SLC15A2: variants seen among roughly 807,000 people sequenced by gnomAD.
SLC15A2 encodes the protein kidney H(+)/peptide cotransporter.
A neutral mutation model predicts 95.5 loss-of-function variants in SLC15A2; 77 were observed. The observed-to-expected ratio is 0.81, with a 90% CI of 0.67 to 0.97. The LOEUF is 0.97. Ranked by LOEUF, SLC15A2 falls within the 50% of genes least tolerant of loss-of-function variation. The pLI, the probability that SLC15A2 is intolerant of heterozygous loss-of-function variation, is 0.00. For synonymous variants in SLC15A2, 306 were observed against 306.9 expected (o/e 1.00, Z 0.03); for missense variants, 893 against 874.4 (o/e 1.02, Z -0.27).
At position 121,935,469 on chromosome 3, in the gene SLC15A2, A is replaced by G. The variant is rs145988517; in HGVS notation, c.1761+3734A>G. On this transcript the variant is annotated intron_variant, in intron 19 of 21. Coordinates refer to ENST00000489711, the MANE Select transcript of SLC15A2 (RefSeq NM_021082.4). ...CTGTTATTGGTCTATTCAGAGATTC[A>G]ACTTCTTCCTGGTTTAGTCTTGGGA... 5.3e-5 allele frequency among the ~76,000 whole-genome samples: 8 copies of G among 152,290 alleles called. No homozygotes were observed. The South Asian group carries it at 1.7e-3, about 32-fold the overall frequency.
At chr3:121,932,799 T>C (rs1159723921) in intron 19 of SLC15A2, among the ~76,000 whole-genome samples, 1 of 152,208 alleles carries the variant, frequency 6.6e-6, no homozygotes, top group East Asian at 1.9e-4. Flanking sequence ...TTAGGGTACA[T>C]GTGCACATTG....
At chr3:121,937,606 T>G (rs1444764512) in intron 19 of SLC15A2, among the ~76,000 whole-genome samples, 1 of 151,946 alleles carries the variant, frequency 6.6e-6, no homozygotes, top group East Asian at 1.9e-4. Context: ...GCCTTGGTTT[T>G]CAGCTCCATC....
intron 11 of SLC15A2, 84 bp downstream of exon 11, chr3:121,923,350 C>A: frequency 1.5e-6 from 2 of 1,367,176 alleles, no homozygotes; most frequent in Non-Finnish European, 1.0e-6. Flanking sequence ...TGTGATTTTG[C>A]CTGAAAACTA....
At chr3:121,907,715 A>C (rs2107578761) in intron 3 of SLC15A2, among the ~76,000 whole-genome samples, 1 of 152,316 alleles carries the variant, frequency 6.6e-6, no homozygotes, top group Middle Eastern at 3.4e-3. Flanking sequence ...GCAGAACAGC[A>C]AATATTGCTG....
In SLC15A2 at chr3:121,938,421, G is replaced by A. The variant is rs941609119; in HGVS notation, c.1762-928G>A. 1.1e-4 allele frequency among the ~76,000 whole-genome samples: 16 copies of A among 152,178 alleles called. 1 individual carries two copies. Among genetic ancestry groups the A allele is most frequent in the South Asian group, 2.1e-4 (1 of 4,826 alleles). On this transcript the variant is annotated intron_variant, in intron 19 of 21. Transcript: ENST00000489711. ...CTGTGCTAGCAATCAGCGAGACTCCGTGGGCGTAGGACCCTCCCAGCCAGG... is the reference window on the plus strand; with the variant it reads ...CTGTGCTAGCAATCAGCGAGACTCCATGGGCGTAGGACCCTCCCAGCCAGG...
intron 3 of SLC15A2, among the ~76,000 whole-genome samples, chr3:121,906,849 T>G (rs1260344094): frequency 6.6e-6 from 1 of 152,184 alleles, no homozygotes; most frequent in Non-Finnish European, 1.5e-5. Flanking sequence ...GGGGTTGCCC[T>G]TCTCGAGGAG....
Position 121,924,281 on chromosome 3 carries a change from T to C in SLC15A2, c.1003-70T>C, listed in dbSNP as rs1010043275. 21 of 1,350,950 alleles carry C rather than the reference T, an allele frequency of 1.6e-5. 1 individual carries two copies. The highest frequency in any genetic ancestry group is 1.8e-4 in the Middle Eastern group (1 of 5,520). 83.7% of individuals were successfully genotyped at this position (1,350,950 alleles called of 1,614,324 possible). A position where few individuals can be genotyped will look rare whatever the true frequency, so the allele number is the denominator to read the frequency against. On this transcript the variant is annotated intron_variant, in intron 11 of 21. Transcript: ENST00000489711. Reference sequence around the variant, plus strand: ...TCTCACTTGCTAACTAGCAAAATTATTGATCTAGGCCAACATTTTTTTTTC... The same window carrying C: ...TCTCACTTGCTAACTAGCAAAATTACTGATCTAGGCCAACATTTTTTTTTC...
At chr3:121,921,242 G>A (rs561097434) in intron 7 of SLC15A2, among the ~76,000 whole-genome samples, 93 of 152,296 alleles carry the variant, frequency 6.1e-4, no homozygotes, top group African/African-American at 2.0e-3. Context: ...GAAATATAAA[G>A]TGGGAAACGG....
rs1341777509 is a variant in SLC15A2, at chr3:121,931,664, G to A, written c.1690G>A (p.Glu564Lys). 6.2e-7 allele frequency: 1 copy of A among 1,613,112 alleles called. No individual in the cohort carries two copies. Among genetic ancestry groups the A allele is most frequent in the East Asian group, 2.2e-5 (1 of 44,860 alleles). The change falls in exon 19 of 22, where the codon GAA becomes AAA. Residue 564 changes from glutamate to lysine, a missense_variant. By Grantham distance (56) the Glu-to-Lys change is moderately conservative. Transcript: ENST00000489711. ...ATACCCTGCAGTGCACTGTAGAACA[G>A]AAGATAAGAACTTTTCTCTGAATTT... Reference protein sequence around the residue: ...GEYPAVHCRTEDKNFSLNLGL... With the variant: ...GEYPAVHCRTKDKNFSLNLGL...
rs1197744811 is a variant in SLC15A2 at position 121,896,547 on chromosome 3, T to C, written c.193+54T>C. ...CTCTCCTCCACCCACCCTCACCCCA[T>C]GTTTGTGACAGCCTGGTCTCTTTAT... On this transcript the variant is annotated intron_variant, in intron 2 of 21. Coordinates refer to ENST00000489711, the MANE Select transcript of SLC15A2 (RefSeq NM_021082.4). 3.7e-6 allele frequency: 5 copies of C among 1,341,772 alleles called. No homozygotes were observed. In the Admixed American group the frequency reaches 6.7e-5, roughly 18 times the overall value. 83.1% of individuals were successfully genotyped at this position (1,341,772 alleles called of 1,614,324 possible).
In SLC15A2 at chr3:121,923,400, G is replaced by A. The variant is rs576285482; in HGVS notation, c.1002+134G>A. ...GAAGTGCTTTTAGCCTGAAGGTACC[G>A]TGTAGGCAAAGATAAAGAAAGCTAG... On this transcript the variant is annotated intron_variant, in intron 11 of 21. Transcript: ENST00000489711. 3.7e-4 allele frequency: 281 copies of A among 763,758 alleles called. 4 individuals are homozygous for A. In the South Asian group the frequency reaches 4.8e-3, roughly 13 times the overall value. The allele number at this position is 763,758 out of a possible 1,614,324, so 47.3% of individuals were successfully genotyped here.
intron 19 of SLC15A2, among the ~76,000 whole-genome samples, chr3:121,937,133 C>A (rs1182189620): frequency 1.2e-5 from 1 of 83,704 alleles, no homozygotes; most frequent in African/African-American, 4.8e-5. Flanking sequence ...CCGAGAGATC[C>A]GCTGTTAGTC....
chr3:121,939,182 GA>G, intron 19 of SLC15A2, 166 bp from the exon 20 acceptor site: 1 of 455,146 alleles, frequency 2.2e-6, no homozygotes, highest in Non-Finnish European at 3.7e-6. Context: ...ATAATATTAC[GA>G]AAAGAAGTTT....
intron 5 of SLC15A2, among the ~76,000 whole-genome samples, chr3:121,914,553 T>C (rs1300561874): frequency 6.6e-6 from 1 of 152,190 alleles, no homozygotes; most frequent in Non-Finnish European, 1.5e-5. Context: ...TCTGGTACTA[T>C]TCCTACCACA....
Position 121,923,052 on chromosome 3 carries a change from A to G in SLC15A2, c.880A>G (p.Met294Val). Residue 294 changes from methionine to valine, a missense_variant, in exon 10 of 22, where the codon ATG becomes GTG. Coordinates refer to ENST00000489711, the MANE Select transcript of SLC15A2 (RefSeq NM_021082.4). Reference protein sequence around the residue: ...AAEKYPKQLIMDVKALTRVLF... With the variant: ...AAEKYPKQLIVDVKALTRVLF... ...CTCCTTTTCGCAGAAGCAGCTCATT[A>G]TGGATGTAAAGGCACTGACCAGGGT... is the stretch of plus-strand genomic sequence containing the variant. 6.2e-7 allele frequency: 1 copy of G among 1,613,970 alleles called. No homozygotes were observed. Among genetic ancestry groups the G allele is most frequent in the East Asian group, 2.2e-5 (1 of 44,880 alleles).
At chr3:121,940,582 C>G (rs1710441741) in intron 21 of SLC15A2, 94 bp downstream of exon 21, 3 of 1,062,410 alleles carry the variant, frequency 2.8e-6, no homozygotes, top group Non-Finnish European at 4.3e-6. Context: ...TTCCCACATT[C>G]CCCATTCAGT....
intron 5 of SLC15A2, among the ~76,000 whole-genome samples, chr3:121,914,399 T>A (rs3805138): frequency 0.45 from 67,850 of 151,916 alleles, 15,680 homozygotes; most frequent in East Asian, 0.69. Flanking sequence ...CAAAGATATT[T>A]CAATTAGTAA....
intron 12 of SLC15A2, 108 bp downstream of exon 12, chr3:121,924,491 C>T (rs1006987163): frequency 2.1e-6 from 2 of 965,006 alleles, no homozygotes; most frequent in African/African-American, 1.6e-5. Flanking sequence ...TCCTTGTACG[C>T]TGATAAGGGC....
intron 3 of SLC15A2, among the ~76,000 whole-genome samples, chr3:121,904,455 C>T (rs1312717476): frequency 3.9e-5 from 6 of 152,232 alleles, no homozygotes; most frequent in South Asian, 2.1e-4. Flanking sequence ...GCTTCCAGTT[C>T]TTGCCCATTC....
Sources: gnomAD v4.1 joint callset for allele counts (sites outside exome capture counted in the v4.1 genomes callset) on GRCh38, gnomAD v4.1.1 for gene constraint, MANE v1.5 for transcripts, NCBI Gene and HGNC (gene_info 2026-07-23, HGNC 2026-07-21) for gene names.